Variants in SORBS2 observed in about 807,000 individuals in gnomAD.
The protein encoded by SORBS2 is sorbin and SH3 domain-containing protein 2.
In SORBS2, 46 loss-of-function variants were observed where a neutral mutation model predicts 97.7. The observed-to-expected ratio is 0.47, with a 90% CI of 0.37 to 0.60. The LOEUF is 0.60. SORBS2 is among the 20% of genes least tolerant of loss of function. The pLI, the probability that SORBS2 is intolerant of heterozygous loss-of-function variation, is 0.00. For missense variants in SORBS2, 1,316 were observed against 1,282.3 expected, an observed-to-expected ratio of 1.03 and a Z score of -0.40; for synonymous variants, 476 against 473.4, an observed-to-expected ratio of 1.01 and a Z score of -0.07.
chr4:185,615,045 C>T, exon 10 of SORBS2: 2 of 1,613,498 alleles, frequency 1.2e-6, no homozygotes, highest in Non-Finnish European at 1.7e-6. Context: ...GAGGACCTAC[C>T]TCTACGTATG....
intron 2 of SORBS2, among the ~76,000 whole-genome samples, chr4:185,722,568 T>C (rs1293584048): frequency 6.6e-6 from 1 of 152,148 alleles, no homozygotes; most frequent in Non-Finnish European, 1.5e-5. Flanking sequence ...GTCTGGCATC[T>C]GATTGGTGAT....
chr4:185,749,218 T>C (rs796318425), intron 2 of SORBS2, among the ~76,000 whole-genome samples: 19 of 152,244 alleles, frequency 1.2e-4, no homozygotes, highest in African/African-American at 3.9e-4. Flanking sequence ...GCAGGGACAG[T>C]CAGCATGAAA....
chr4:185,720,375 C>A (rs927912315), intron 2 of SORBS2, among the ~76,000 whole-genome samples: 1 of 152,086 alleles, frequency 6.6e-6, no homozygotes, highest in Non-Finnish European at 1.5e-5. Context: ...AAGAAAGTCC[C>A]CAATTTTACA....
Position 185,806,434 on chromosome 4 carries a change from C to CTGTTTTT in SORBS2, c.-337-31069_-337-31068insAAAAACA, listed in dbSNP as rs2099153884. Among the ~76,000 whole-genome samples the CTGTTTTT allele has an allele frequency of 9.8e-4, 106 of 108,150 alleles. 48 individuals are homozygous for CTGTTTTT. The highest frequency in any genetic ancestry group is 2.9e-3 in the African/African-American group (79 of 27,296). The allele number at this position is 108,150 out of a possible 152,430, so 71.0% of individuals were successfully genotyped here. ...AGTGGCACAGCTCTTGGCTAGAATC[C>CTGTTTTT]TATTTTTTTTTTTTTTTTTTTTTTT... On this transcript the variant is annotated intron_variant, in intron 1 of 20. Transcript: ENST00000284776.
chr4:185,718,241 AG>A (rs1037795356), intron 2 of SORBS2, among the ~76,000 whole-genome samples: 8 of 151,896 alleles, frequency 5.3e-5, no homozygotes, highest in East Asian at 3.9e-4. Context: ...AAAAAAAAAA[AG>A]AAAATATGTA....
At chr4:185,875,075 G>A (rs796630361) in intron 1 of SORBS2, among the ~76,000 whole-genome samples, 121 of 152,096 alleles carry the variant, frequency 8.0e-4, no homozygotes, top group African/African-American at 2.8e-3. Flanking sequence ...CAGGAAGTAT[G>A]TCCTCAACTA....
intron 2 of SORBS2, among the ~76,000 whole-genome samples, chr4:185,731,860 CTCTCTCTATATATATATATATATA>C (rs1302606806): frequency 1.4e-3 from 49 of 34,266 alleles, no homozygotes; most frequent in South Asian, 3.6e-3. Flanking sequence ...CTCTCTCTCT[CTCTCTCTATATATATATATATATA>C]TATATATATA....
At chr4:185,710,714 C>T (rs1302067410) in intron 2 of SORBS2, among the ~76,000 whole-genome samples, 2 of 152,176 alleles carry the variant, frequency 1.3e-5, no homozygotes, top group African/African-American at 2.4e-5. Flanking sequence ...AGTTTCAGAA[C>T]TTGAGTGATG....
chr4:185,638,045 A>G, intron 4 of SORBS2, 34 bp downstream of exon 15: 1 of 1,231,910 alleles, frequency 8.1e-7, no homozygotes, highest in Non-Finnish European at 1.2e-6. Flanking sequence ...GTATACTCCT[A>G]GTTTTCTTAT....
intron 1 of SORBS2, among the ~76,000 whole-genome samples, chr4:185,850,022 A>T (rs774988433): frequency 3.3e-5 from 5 of 152,208 alleles, no homozygotes; most frequent in Non-Finnish European, 5.9e-5. Flanking sequence ...CTATTGCATA[A>T]GCCTTCAATT....
At chr4:185,791,587 C>T (rs1406373267) in intron 1 of SORBS2, among the ~76,000 whole-genome samples, 2 of 151,930 alleles carry the variant, frequency 1.3e-5, no homozygotes, top group Non-Finnish European at 2.9e-5. Context: ...ATTTTTCTTA[C>T]TCTAAGTGCC....
intron 2 of SORBS2, among the ~76,000 whole-genome samples, chr4:185,733,493 G>C (rs1048482979): frequency 6.6e-6 from 1 of 152,214 alleles, no homozygotes. Context: ...GAGCCAGGTG[G>C]AGAAGCAGGA....
intron 1 of SORBS2, among the ~76,000 whole-genome samples, chr4:185,875,420 A>C (rs1263019662): frequency 6.6e-6 from 1 of 152,188 alleles, no homozygotes; most frequent in Non-Finnish European, 1.5e-5. Context: ...AAAAAATAAA[A>C]CCAAAAACGT....
At chr4:185,710,508 T>TC (rs1285356593) in intron 2 of SORBS2, among the ~76,000 whole-genome samples, 2 of 152,168 alleles carry the variant, frequency 1.3e-5, no homozygotes, top group Non-Finnish European at 2.9e-5. Flanking sequence ...AGATCCACAC[T>TC]CCCCCCCAAA....
intron 1 of SORBS2, among the ~76,000 whole-genome samples, chr4:185,790,558 T>A (rs2099075626): frequency 6.6e-6 from 1 of 152,218 alleles, no homozygotes; most frequent in Non-Finnish European, 1.5e-5. Flanking sequence ...CAGTTGGAAT[T>A]ATTTTCACAT....
intron 2 of SORBS2, among the ~76,000 whole-genome samples, chr4:185,762,470 A>G (rs2098901990): frequency 6.6e-6 from 1 of 152,038 alleles, no homozygotes; most frequent in African/African-American, 2.4e-5. Context: ...ACAGAACCCA[A>G]GGGAGTAACT....
At chr4:185,762,013 G>C (rs913599829) in intron 2 of SORBS2, among the ~76,000 whole-genome samples, 1 of 152,156 alleles carries the variant, frequency 6.6e-6, no homozygotes, top group Non-Finnish European at 1.5e-5. Flanking sequence ...TAACTCAGCC[G>C]CAAGGGGTTA....
intron 2 of SORBS2, 75 bp from the exon 4 acceptor site, chr4:185,690,686 GT>G: frequency 3.4e-6 from 2 of 583,314 alleles, no homozygotes; most frequent in Admixed American, 2.8e-5. Flanking sequence ...TCGCATTTTT[GT>G]TTTTGATGTA....
At chr4:185,917,241 C>T (rs1054984391) in intron 1 of SORBS2, among the ~76,000 whole-genome samples, 3 of 152,130 alleles carry the variant, frequency 2.0e-5, no homozygotes, top group Non-Finnish European at 4.4e-5. Context: ...CTTTTCATTT[C>T]TTTGAAACAG....
Sources: gnomAD v4.1 joint callset for allele counts (sites outside exome capture counted in the v4.1 genomes callset) on GRCh38, gnomAD v4.1.1 for gene constraint, MANE v1.5 for transcripts, NCBI Gene and HGNC (gene_info 2026-07-23, HGNC 2026-07-21) for gene names.